Variants in ROBO1 observed in about 807,000 individuals in gnomAD.
ROBO1 encodes roundabout guidance receptor 1.
A neutral mutation model predicts 195.9 loss-of-function variants in ROBO1; 149 were observed. The ratio of observed to expected loss-of-function variants is 0.76; its 90% CI spans 0.67 to 0.87. The LOEUF (loss-of-function observed/expected upper bound fraction) is 0.87. Among genes scored for constraint, ROBO1 ranks in the 40% least tolerant of loss-of-function variants. ROBO1 has a pLI of 0.00. For missense variants in ROBO1, 1,933 were observed against 2,068.3 expected, an observed-to-expected ratio of 0.93 and a Z score of 1.27; for synonymous variants, 816 against 733.2, an observed-to-expected ratio of 1.11 and a Z score of -1.82.
chr3:79,306,166 A>G (rs1386618251), intron 2 of ROBO1, among the ~76,000 whole-genome samples: 1 of 152,142 alleles, frequency 6.6e-6, no homozygotes, highest in Non-Finnish European at 1.5e-5. Context: ...TTTTGAATTT[A>G]TTTTACTAAT....
At chr3:79,138,221 A>AGG (rs752827961) in intron 2 of ROBO1, among the ~76,000 whole-genome samples, 38 of 152,078 alleles carry the variant, frequency 2.5e-4, no homozygotes, top group Admixed American at 8.5e-4. Flanking sequence ...TGATTAAGAC[A>AGG]GGGTCATGTC....
rs568715892 is a variant in ROBO1, at chr3:79,425,289, T to C, written c.88+164535A>G. On this transcript the variant is annotated intron_variant, in intron 2 of 30. Coordinates refer to ENST00000464233, the MANE Select transcript of ROBO1 (RefSeq NM_002941.4). ...GCTTCCTTGATGGCGCAGTAACCAA[T>C]TGAACGGCAATTTATTTCAATTGGT... is the stretch of plus-strand genomic sequence containing the variant. 5.9e-5 allele frequency among the ~76,000 whole-genome samples: 9 copies of C among 152,280 alleles called. No individual in the cohort carries two copies. In the South Asian group the frequency reaches 6.2e-4, roughly 11 times the overall value.
At chr3:78,719,390 G>A (rs565758071) in intron 5 of ROBO1, among the ~76,000 whole-genome samples, 3 of 151,574 alleles carry the variant, frequency 2.0e-5, no homozygotes, top group Non-Finnish European at 2.9e-5. Context: ...TAAAGAAAAC[G>A]TCACACAAAA....
rs141376111 is a variant in ROBO1 at position 78,652,557 on chromosome 3, A to G, written c.2615-628T>C. ...ACTTAATGTAAGCTCAGAAAGACCT[A>G]CACAATTCAGGATCAGTAAAACCCA... On this transcript the variant is annotated intron_variant, in intron 18 of 30. Coordinates refer to ENST00000464233, the MANE Select transcript of ROBO1 (RefSeq NM_002941.4). Among the ~76,000 whole-genome samples, 1,135 of 152,276 alleles carry G rather than the reference A, an allele frequency of 7.5e-3. 7 individuals carry two copies. The highest frequency in any genetic ancestry group is 0.026 in the African/African-American group (1,084 of 41,556).
At chr3:78,782,035 C>T (rs2083691693) in intron 4 of ROBO1, among the ~76,000 whole-genome samples, 1 of 152,064 alleles carries the variant, frequency 6.6e-6, no homozygotes, top group African/African-American at 2.4e-5. Flanking sequence ...ATCTAGCCTG[C>T]TCATTTTGCT....
intron 4 of ROBO1, among the ~76,000 whole-genome samples, chr3:78,930,007 T>G (rs2107640858): frequency 6.6e-6 from 1 of 152,312 alleles, no homozygotes; most frequent in South Asian, 2.1e-4. Context: ...CAAGTAATGT[T>G]ATCCCCAAAA....
intron 3 of ROBO1, among the ~76,000 whole-genome samples, chr3:78,943,317 C>T (rs1382691426): frequency 6.6e-6 from 1 of 152,028 alleles, no homozygotes; most frequent in African/African-American, 2.4e-5. Context: ...TGGATGTCAC[C>T]CAGGCGCCAC....
intron 1 of ROBO1, among the ~76,000 whole-genome samples, chr3:79,753,966 G>A (rs1704254050): frequency 6.6e-6 from 1 of 152,180 alleles, no homozygotes; most frequent in Non-Finnish European, 1.5e-5. Context: ...TTGGTTGAGG[G>A]TGAAGAACAG....
At chr3:78,682,545 T>C (rs931913347) in intron 10 of ROBO1, among the ~76,000 whole-genome samples, 45 of 148,130 alleles carry the variant, frequency 3.0e-4, no homozygotes, top group Non-Finnish European at 6.4e-4. Context: ...GTATATATAG[T>C]ATATATGTGT....
At chr3:78,605,345 C>A (rs1703407492) in intron 29 of ROBO1, among the ~76,000 whole-genome samples, 1 of 152,106 alleles carries the variant, frequency 6.6e-6, no homozygotes, top group African/African-American at 2.4e-5. Flanking sequence ...TCATCCTGGA[C>A]TAGTGGTGTG....
chr3:79,116,285 T>C (rs564156903), intron 3 of ROBO1, among the ~76,000 whole-genome samples: 1 of 151,834 alleles, frequency 6.6e-6, no homozygotes, highest in Non-Finnish European at 1.5e-5. Context: ...CTTTCTTTTC[T>C]TTCTTTCTCT....
chr3:78,667,861 G>GT, intron 14 of ROBO1, 22 bp downstream of exon 14: 7 of 1,608,864 alleles, frequency 4.4e-6, no homozygotes, highest in Non-Finnish European at 6.0e-6. Flanking sequence ...GGTGTCACAG[G>GT]TTTAAGTAAA....
rs377589812 is a variant in ROBO1 at position 79,308,614 on chromosome 3, G to A, written c.89-183075C>T. 3.7e-4 allele frequency among the ~76,000 whole-genome samples: 56 copies of A among 152,138 alleles called. 1 individual carries two copies. In the East Asian group the frequency reaches 7.2e-3, roughly 19 times the overall value. The stretch of plus-strand genomic sequence containing the variant: ...AAAGTTCTATTAAAAAAAGAAAGCG[G>A]GGTCAGGCAAGGTATTGAAGTGTTC... On this transcript the variant is annotated intron_variant, in intron 2 of 30. Coordinates refer to ENST00000464233, the MANE Select transcript of ROBO1 (RefSeq NM_002941.4).
At chr3:78,634,466 T>C (rs1559674426) in intron 23 of ROBO1, 1 of 316,504 alleles carries the variant, frequency 3.2e-6, no homozygotes, top group Non-Finnish European at 6.8e-6. Flanking sequence ...AGCTTGCCAC[T>C]GGAATGTAGT....
rs150208815 is a variant in ROBO1 at position 79,498,591 on chromosome 3, C to A, written c.88+91233G>T. On this transcript the variant is annotated intron_variant, in intron 2 of 30. Coordinates refer to ENST00000464233, the MANE Select transcript of ROBO1 (RefSeq NM_002941.4). ...ATTTGTGGCCGGGCACGGTGGCTCACGCCTGTAATCCCAGCACTTTGGGAG... is the reference window on the plus strand; with the variant it reads ...ATTTGTGGCCGGGCACGGTGGCTCAAGCCTGTAATCCCAGCACTTTGGGAG... Among the ~76,000 whole-genome samples the A allele has an allele frequency of 7.9e-3, 1,197 of 152,242 alleles. 18 individuals are homozygous for A. The highest frequency in any genetic ancestry group is 0.027 in the African/African-American group (1,139 of 41,542).
At chr3:79,428,497 A>T (rs2107002118) in intron 2 of ROBO1, among the ~76,000 whole-genome samples, 1 of 152,258 alleles carries the variant, frequency 6.6e-6, no homozygotes, top group Admixed American at 6.5e-5. Flanking sequence ...CCTCATTATT[A>T]TTTGGCAGTA....
At chr3:78,780,772 C>T (rs2083653898) in intron 4 of ROBO1, among the ~76,000 whole-genome samples, 1 of 152,140 alleles carries the variant, frequency 6.6e-6, no homozygotes, top group South Asian at 2.1e-4. Context: ...ACATTCATTT[C>T]TGCTGCTTCT....
At chr3:78,651,467 T>C (rs1348340403) in intron 19 of ROBO1, among the ~76,000 whole-genome samples, 1 of 152,190 alleles carries the variant, frequency 6.6e-6, no homozygotes, top group Non-Finnish European at 1.5e-5. Flanking sequence ...AGGGAAAAGG[T>C]ATAACAGCCA....
At chr3:79,098,531 T>C (rs2079613431) in intron 3 of ROBO1, among the ~76,000 whole-genome samples, 1 of 151,876 alleles carries the variant, frequency 6.6e-6, no homozygotes, top group South Asian at 2.1e-4. Flanking sequence ...CACACATGGT[T>C]CTGGCCTATG....
Sources: allele counts gnomAD v4.1 joint callset (sites outside exome capture counted in the v4.1 genomes callset), GRCh38; gene constraint gnomAD v4.1.1; transcripts MANE v1.5; gene names NCBI Gene and HGNC (gene_info 2026-07-23, HGNC 2026-07-21).